The following PTPRA variants were observed in gnomAD, a reference collection of about 807,000 sequenced individuals.
PTPRA encodes the protein protein tyrosine phosphatase receptor type A.
A neutral mutation model predicts 104.8 loss-of-function variants in PTPRA; 25 were observed. The ratio of observed to expected loss-of-function variants is 0.24; its 90% CI spans 0.17 to 0.33. The LOEUF (loss-of-function observed/expected upper bound fraction) is 0.33, where lower values mean the gene tolerates loss of function less well. Among genes scored for constraint, PTPRA ranks in the 10% least tolerant of loss-of-function variants. The pLI, the probability that PTPRA is intolerant of heterozygous loss-of-function variation, is 1.00. For synonymous variants in PTPRA, 323 were observed against 368.9 expected (o/e 0.88, Z 1.43); for missense variants, 765 against 1,015.3 (o/e 0.75, Z 3.35).
chr20:2,959,148 C>T (rs1210794159), intron 3 of PTPRA, among the ~76,000 whole-genome samples: 1 of 152,166 alleles, frequency 6.6e-6, no homozygotes, highest in Non-Finnish European at 1.5e-5. Flanking sequence ...CTGTTAGTGA[C>T]ATGGATCTTC....
intron 5 of PTPRA, among the ~76,000 whole-genome samples, chr20:2,972,932 C>G (rs948246770): frequency 5.9e-5 from 9 of 151,992 alleles, no homozygotes; most frequent in Non-Finnish European, 1.2e-4. Flanking sequence ...GTTGCCCAGG[C>G]TGGTCTTGAA....
In PTPRA at chr20:2,919,713, A is replaced by G. The variant is rs542809886; in HGVS notation, c.-128-3494A>G. ...TACTCTCAGCTGGGGGAGGCCATAA[A>G]CAGTTAAAGAGTTAATGATTGACTC... On this transcript the variant is annotated intron_variant, in intron 1 of 23. Coordinates refer to ENST00000399903, the MANE Select transcript of PTPRA (RefSeq NM_001385305.1). 5.3e-5 allele frequency among the ~76,000 whole-genome samples: 8 copies of G among 152,006 alleles called. No individual in the cohort carries two copies. In the South Asian group the frequency reaches 1.7e-3, roughly 31 times the overall value.
intron 1 of PTPRA, among the ~76,000 whole-genome samples, chr20:2,921,864 C>T (rs2060110596): frequency 6.6e-6 from 1 of 152,176 alleles, no homozygotes; most frequent in Non-Finnish European, 1.5e-5. Flanking sequence ...TCTTGTACTA[C>T]CACTTTGCAC....
At chr20:2,900,173 C>A (rs114568425) in intron 1 of PTPRA, among the ~76,000 whole-genome samples, 2,111 of 151,136 alleles carry the variant, frequency 0.014, 59 homozygotes, top group African/African-American at 0.048. Flanking sequence ...TTCATTAATT[C>A]TTTAGATGGG....
chr20:2,884,649 T>C (rs1003686955), intron 1 of PTPRA, among the ~76,000 whole-genome samples: 27 of 152,184 alleles, frequency 1.8e-4, no homozygotes, highest in African/African-American at 6.5e-4. Context: ...GTTACTTATA[T>C]ATTTTTAGAT....
At chr20:2,867,002 G>C in the PTPRA span, among the ~76,000 whole-genome samples, 1 of 152,258 alleles carries the variant, frequency 6.6e-6, no homozygotes, top group Non-Finnish European at 1.5e-5. Flanking sequence ...GTGTGTGTGC[G>C]TGTAAACACG....
chr20:2,909,176 A>G (rs1252841972), intron 1 of PTPRA, among the ~76,000 whole-genome samples: 1 of 152,206 alleles, frequency 6.6e-6, no homozygotes, highest in Non-Finnish European at 1.5e-5. Context: ...TACATTATTT[A>G]ACCTTCAAAA....
At chr20:3,007,683 A>G (rs985377324) in intron 11 of PTPRA, among the ~76,000 whole-genome samples, 13 of 152,176 alleles carry the variant, frequency 8.5e-5, no homozygotes, top group Non-Finnish European at 1.6e-4. Context: ...GAGTCAGTGA[A>G]TCCTTTATTG....
intron 3 of PTPRA, among the ~76,000 whole-genome samples, chr20:2,958,035 G>C (rs990226136): frequency 1.3e-5 from 2 of 151,884 alleles, no homozygotes; most frequent in Non-Finnish European, 2.9e-5. Context: ...TGTAAAAGAA[G>C]AACAGTGTAG....
rs1393352620 is a variant in PTPRA, at chr20:3,037,703, G to T, written c.2335-356G>T. 6.6e-6 allele frequency among the ~76,000 whole-genome samples: 1 copy of T among 152,216 alleles called. No individual in the cohort carries two copies. ...GTTTGGGGGGTAAAGAAAAGTGAAT[G>T]TTAGGAGGTTTGGGAGACGAGGTTC... is the stretch of plus-strand genomic sequence containing the variant. On this transcript the variant is annotated intron_variant, in intron 23 of 23. Coordinates refer to ENST00000399903, the MANE Select transcript of PTPRA (RefSeq NM_001385305.1). The surrounding 1 kb of genome is among the most constrained non-coding windows in gnomAD (Gnocchi z 4.3).
intron 9 of PTPRA, among the ~76,000 whole-genome samples, chr20:2,998,251 G>A (rs929960396): frequency 2.0e-5 from 3 of 151,254 alleles, no homozygotes; most frequent in Non-Finnish European, 3.0e-5. Context: ...GGAAAGAGGT[G>A]AAGCCAGTGA....
chr20:3,028,823 A>G lies in PTPRA; in HGVS notation c.1920+982A>G, dbSNP rs765953979. ...ACATCCCATTTGTGTTTTTTAAAAA[A>G]TCCCTCTGGCAGCAGTGAGAAGGAC... On this transcript the variant is annotated intron_variant, in intron 20 of 23. Transcript: ENST00000399903. Among the ~76,000 whole-genome samples, 43 of 152,218 alleles carry G rather than the reference A, an allele frequency of 2.8e-4. 1 individual carries two copies. The highest frequency in any genetic ancestry group is 1.0e-3 in the South Asian group (5 of 4,820).
At chr20:2,971,149 A>AT (rs2062170356) in intron 5 of PTPRA, among the ~76,000 whole-genome samples, 1 of 152,124 alleles carries the variant, frequency 6.6e-6, no homozygotes, top group African/African-American at 2.4e-5. Context: ...ATTTTTCAGA[A>AT]TTTTGTTAGC....
At chr20:2,964,778 A>G in intron 4 of PTPRA, 83 bp from the exon 5 acceptor site, 1 of 1,252,082 alleles carries the variant, frequency 8.0e-7, no homozygotes, top group Non-Finnish European at 1.1e-6. Flanking sequence ...TTGAGAGTTT[A>G]TTAAGGCTTG....
chr20:2,981,629 ACT>A (rs1476707965), intron 6 of PTPRA, among the ~76,000 whole-genome samples: 2 of 152,008 alleles, frequency 1.3e-5, no homozygotes, highest in Non-Finnish European at 2.9e-5. Context: ...TCTGTGACAA[ACT>A]CTCTACTCTG....
intron 1 of PTPRA, among the ~76,000 whole-genome samples, chr20:2,881,044 C>G (rs928991140): frequency 6.6e-6 from 1 of 151,044 alleles, no homozygotes; most frequent in Middle Eastern, 3.4e-3. Context: ...CATAGTGGGT[C>G]ACACCTGTAA....
rs756416151 is a variant in PTPRA at position 2,964,225 on chromosome 20, G to GTCCTGATAA, written c.-6-45_-6-37dup. ...TCTTCTGGTGACCAGCTCAGACATA[G>GTCCTGATAA]TCCTGATAATATAGGACCTCATCTA... is the stretch of plus-strand genomic sequence containing the variant. On this transcript the variant is annotated intron_variant, in intron 3 of 23. Coordinates refer to ENST00000399903, the MANE Select transcript of PTPRA (RefSeq NM_001385305.1). 26 of 1,449,066 alleles carry GTCCTGATAA rather than the reference G, an allele frequency of 1.8e-5. No homozygotes were observed. The African/African-American group carries it at 3.4e-4, about 19-fold the overall frequency. 89.8% of individuals were successfully genotyped at this position (1,449,066 alleles called of 1,614,324 possible).
At chr20:2,889,943 G>A (rs2058732225) in intron 1 of PTPRA, among the ~76,000 whole-genome samples, 1 of 152,116 alleles carries the variant, frequency 6.6e-6, no homozygotes, top group Non-Finnish European at 1.5e-5. Flanking sequence ...GTGTGCAGTG[G>A]TGCAATCATG....
At chr20:2,979,560 T>C (rs2062584093) in intron 6 of PTPRA, among the ~76,000 whole-genome samples, 1 of 152,220 alleles carries the variant, frequency 6.6e-6, no homozygotes, top group African/African-American at 2.4e-5. Flanking sequence ...AGACTCATGC[T>C]CTGTCGCCCA....
Sources: allele counts gnomAD v4.1 joint callset (sites outside exome capture counted in the v4.1 genomes callset), GRCh38; gene constraint gnomAD v4.1.1; non-coding constraint Gnocchi (gnomAD v3.1); transcripts MANE v1.5; gene names NCBI Gene and HGNC (gene_info 2026-07-23, HGNC 2026-07-21).